The following SLIT2 variants were observed in gnomAD, a reference collection of about 807,000 sequenced individuals.
SLIT2 encodes slit guidance ligand 2.
In SLIT2, 41 loss-of-function variants were observed where a neutral mutation model predicts 185.7. The observed-to-expected ratio is 0.22, with a 90% CI of 0.17 to 0.29. The LOEUF (loss-of-function observed/expected upper bound fraction) is 0.29. SLIT2 is among the 10% of genes least tolerant of loss of function. SLIT2 has a pLI of 1.00. For synonymous variants in SLIT2, 693 were observed against 680.2 expected (o/e 1.02, Z -0.29); for missense variants, 1,571 against 1,909.0 (o/e 0.82, Z 3.30).
chr4:20,619,721 A>AT lies in SLIT2; in HGVS notation c.*718dup, dbSNP rs539646128. 251 of 152,176 alleles carry AT rather than the reference A, an allele frequency of 1.6e-3. 2 individuals are homozygous for AT. Among genetic ancestry groups the AT allele is most frequent in the African/African-American group, 5.8e-3 (240 of 41,516 alleles). 9.4% of individuals were successfully genotyped at this position (152,176 alleles called of 1,614,324 possible). On this transcript the variant is annotated 3_prime_UTR_variant, in exon 37 of 37. Transcript: ENST00000504154. Reference sequence around the variant, plus strand: ...TGATAAATAAATTAGTAATAATATGATTTTTTGTTTCTATGAGTTCTAAAC... The same window carrying AT: ...TGATAAATAAATTAGTAATAATATGATTTTTTTGTTTCTATGAGTTCTAAAC...
At chr4:20,543,466 A>G (rs1722991566) in intron 21 of SLIT2, among the ~76,000 whole-genome samples, 1 of 152,164 alleles carries the variant, frequency 6.6e-6, no homozygotes, top group Admixed American at 6.6e-5. Flanking sequence ...TGTTCTGAAT[A>G]CAATTGAGTC....
intron 4 of SLIT2, among the ~76,000 whole-genome samples, chr4:20,401,566 G>C (rs1726364052): frequency 6.6e-6 from 1 of 151,778 alleles, no homozygotes; most frequent in African/African-American, 2.4e-5. Context: ...CCACGCAGCT[G>C]GGTGGGTAGG....
chr4:20,293,072 A>T (rs927443273), intron 4 of SLIT2, among the ~76,000 whole-genome samples: 1 of 152,228 alleles, frequency 6.6e-6, no homozygotes, highest in Non-Finnish European at 1.5e-5. Context: ...GGGGGGAAAA[A>T]GTCTGTATGG....
At chr4:20,581,438 C>G (rs1726559356) in intron 29 of SLIT2, among the ~76,000 whole-genome samples, 1 of 152,126 alleles carries the variant, frequency 6.6e-6, no homozygotes, top group African/African-American at 2.4e-5. Context: ...AACACCACAT[C>G]ACTGTATTTT....
intron 4 of SLIT2, among the ~76,000 whole-genome samples, chr4:20,406,944 G>T (rs970029031): frequency 2.6e-5 from 4 of 152,042 alleles, no homozygotes; most frequent in Middle Eastern, 3.4e-3. Flanking sequence ...AAATAAACGA[G>T]AATATTCGAA....
intron 4 of SLIT2, among the ~76,000 whole-genome samples, chr4:20,463,452 T>TAGATAG (rs1560444348): frequency 5.0e-5 from 1 of 19,820 alleles, no homozygotes; most frequent in African/African-American, 1.8e-4. Context: ...AACTGTGATA[T>TAGATAG]ATATATATAT....
At chr4:20,382,601 G>T (rs1186870625) in intron 4 of SLIT2, among the ~76,000 whole-genome samples, 3 of 152,036 alleles carry the variant, frequency 2.0e-5, no homozygotes, top group Admixed American at 2.0e-4. Flanking sequence ...AAATGTAATA[G>T]AATATATATT....
chr4:20,361,292 T>C lies in SLIT2; in HGVS notation c.395+92411T>C, dbSNP rs1722725777. 2.6e-5 allele frequency among the ~76,000 whole-genome samples: 4 copies of C among 152,126 alleles called. No individual in the cohort carries two copies. The South Asian group carries it at 6.2e-4, about 24-fold the overall frequency. On this transcript the variant is annotated intron_variant, in intron 4 of 36. Transcript: ENST00000504154. ...TAGAGCTTTTCCCTCCTTCTCTTGC[T>C]CTGCCTCGCATCCATCCATCCACCC...
intron 5 of SLIT2, among the ~76,000 whole-genome samples, chr4:20,478,110 T>G (rs182457567): frequency 1.1e-4 from 16 of 152,274 alleles, no homozygotes; most frequent in African/African-American, 3.9e-4. Context: ...TGGGAGAGAT[T>G]TTCTCATGAG....
In SLIT2 at chr4:20,423,700, C is replaced by T. The variant is rs183825430; in HGVS notation, c.396-44052C>T. ...GGTCAGACAGTAAACATTTGTATAC[C>T]GAATGACGGAATCAAATATTGAAGG... On this transcript the variant is annotated intron_variant, in intron 4 of 36. Coordinates refer to ENST00000504154, the MANE Select transcript of SLIT2 (RefSeq NM_004787.4). 7.2e-5 allele frequency among the ~76,000 whole-genome samples: 11 copies of T among 151,802 alleles called. No individual in the cohort carries two copies. In the East Asian group the frequency reaches 1.7e-3, roughly 24 times the overall value.
chr4:20,295,991 A>G (rs1716438551), intron 4 of SLIT2, among the ~76,000 whole-genome samples: 1 of 152,264 alleles, frequency 6.6e-6, no homozygotes, highest in African/African-American at 2.4e-5. Context: ...TATGAAGTAT[A>G]TTCAATCCAA....
chr4:20,323,600 C>T (rs999755592), intron 4 of SLIT2, among the ~76,000 whole-genome samples: 3 of 151,920 alleles, frequency 2.0e-5, no homozygotes, highest in Non-Finnish European at 4.4e-5. Flanking sequence ...ATAACATATA[C>T]AATACCGGCC....
rs529326034 is a variant in SLIT2 at position 20,419,011 on chromosome 4, C to A, written c.396-48741C>A. Among the ~76,000 whole-genome samples, 14 of 152,246 alleles carry A rather than the reference C, an allele frequency of 9.2e-5. No homozygotes were observed. In the East Asian group the frequency reaches 2.7e-3, roughly 29 times the overall value. Reference sequence around the variant, plus strand: ...ACTTTCTGTTTCCCTTAAATGCATACCATTTTCTCTATTTTCATAGTTTAC... The same window carrying A: ...ACTTTCTGTTTCCCTTAAATGCATAACATTTTCTCTATTTTCATAGTTTAC... On this transcript the variant is annotated intron_variant, in intron 4 of 36. Transcript: ENST00000504154.
intron 29 of SLIT2, among the ~76,000 whole-genome samples, chr4:20,586,664 T>G (rs1342632942): frequency 1.3e-5 from 2 of 152,188 alleles, no homozygotes; most frequent in African/African-American, 4.8e-5. Context: ...AAATGCTCAT[T>G]AAGTACATAA....
rs551858423 is a variant in SLIT2, at chr4:20,397,452, C to G, written c.396-70300C>G. 5.3e-5 allele frequency among the ~76,000 whole-genome samples: 8 copies of G among 151,852 alleles called. No homozygotes were observed. The East Asian group carries it at 1.6e-3, about 29-fold the overall frequency. On this transcript the variant is annotated intron_variant, in intron 4 of 36. Transcript: ENST00000504154. ...TTCACTGCTTCTCAAAGCTGATTATCTACTAGTTTGTTCTGCATAAGAAAC... is the reference window on the plus strand; with the variant it reads ...TTCACTGCTTCTCAAAGCTGATTATGTACTAGTTTGTTCTGCATAAGAAAC...
intron 4 of SLIT2, among the ~76,000 whole-genome samples, chr4:20,362,755 T>A (rs1722840761): frequency 6.6e-6 from 1 of 152,020 alleles, no homozygotes. Context: ...TGAAGGTTAT[T>A]CTGGAAGGTT....
intron 4 of SLIT2, among the ~76,000 whole-genome samples, chr4:20,370,455 A>C (rs954027513): frequency 1.3e-5 from 2 of 152,066 alleles, no homozygotes; most frequent in Non-Finnish European, 2.9e-5. Context: ...TCTTCTATGC[A>C]CTCATGATGC....
intron 8 of SLIT2, among the ~76,000 whole-genome samples, chr4:20,491,394 C>T (rs1242868664): frequency 6.6e-6 from 1 of 152,108 alleles, no homozygotes; most frequent in African/African-American, 2.4e-5. Context: ...AAAGACCAAG[C>T]TCTATTTAAT....
chr4:20,489,142 T>TGA (rs1717539895), intron 8 of SLIT2, 160 bp downstream of exon 8: 2 of 472,334 alleles, frequency 4.2e-6, no homozygotes, highest in African/African-American at 2.0e-5. Context: ...AAATATGTTC[T>TGA]GAGACCTCAC....
Sources: allele counts gnomAD v4.1 joint callset (sites outside exome capture counted in the v4.1 genomes callset), GRCh38; gene constraint gnomAD v4.1.1; transcripts MANE v1.5; gene names NCBI Gene and HGNC (gene_info 2026-07-23, HGNC 2026-07-21).